ZNF385D: variants seen among roughly 807,000 people sequenced by gnomAD.
ZNF385D encodes the protein zinc finger protein 385D.
Under a neutral mutation model 35.8 loss-of-function variants are expected in ZNF385D, and 15 were observed. The ratio of observed to expected loss-of-function variants is 0.42; its 90% confidence interval spans 0.28 to 0.64. ZNF385D has a LOEUF of 0.64. Ranked by LOEUF, ZNF385D falls within the 30% of genes least tolerant of loss-of-function variation. The pLI, the probability that ZNF385D is intolerant of heterozygous loss-of-function variation, is 0.23. For synonymous variants in ZNF385D, 212 were observed against 186.8 expected, an observed-to-expected ratio of 1.13 and a Z score of -1.10; for missense variants, 474 against 494.6, an observed-to-expected ratio of 0.96 and a Z score of 0.39.
chr3:22,270,826 T>C (rs180907446), intron 2 of ZNF385D, among the ~76,000 whole-genome samples: 5 of 152,042 alleles, frequency 3.3e-5, no homozygotes, highest in Non-Finnish European at 7.4e-5. Flanking sequence ...AACTTACTTA[T>C]GTAATTTTCC....
At position 21,606,148 on chromosome 3, in the gene ZNF385D, C is replaced by T. The variant is rs956125776; in HGVS notation, c.166-41464G>A. On this transcript the variant is annotated intron_variant, in intron 2 of 7. Coordinates refer to ENST00000281523, the MANE Select transcript of ZNF385D (RefSeq NM_024697.3). Reference sequence around the variant, plus strand: ...TCAGAGAACATATTCTCCAAACACTCAAACCTTTCTGAGAGTAGCTGCTTC... The same window carrying T: ...TCAGAGAACATATTCTCCAAACACTTAAACCTTTCTGAGAGTAGCTGCTTC... Among the ~76,000 whole-genome samples, 6 of 152,270 alleles carry T rather than the reference C, an allele frequency of 3.9e-5. No homozygotes were observed. The South Asian group carries it at 1.0e-3, about 26-fold the overall frequency.
intron 3 of ZNF385D, among the ~76,000 whole-genome samples, chr3:21,805,074 T>C (rs1173050449): frequency 6.6e-6 from 1 of 152,190 alleles, no homozygotes; most frequent in Non-Finnish European, 1.5e-5. Context: ...GTTTCCGCTT[T>C]CAAACTATTA....
chr3:22,281,899 T>G (rs116008888), intron 2 of ZNF385D, among the ~76,000 whole-genome samples: 2,404 of 152,144 alleles, frequency 0.016, 34 homozygotes, highest in Non-Finnish European at 0.025. Flanking sequence ...GGTGGTAACT[T>G]TTTAATTACC....
At chr3:21,453,406 A>T (rs1442797922) in intron 4 of ZNF385D, among the ~76,000 whole-genome samples, 1 of 152,006 alleles carries the variant, frequency 6.6e-6, no homozygotes, top group Non-Finnish European at 1.5e-5. Context: ...TGTGTAAAAA[A>T]ACACTACCAA....
At chr3:21,729,132 C>T (rs2068888450) in intron 1 of ZNF385D, among the ~76,000 whole-genome samples, 1 of 152,054 alleles carries the variant, frequency 6.6e-6, no homozygotes, top group South Asian at 2.1e-4. Context: ...CTCTCTTTGG[C>T]AAAGATTAAG....
chr3:21,770,519 C>A (rs1360029135), intron 3 of ZNF385D, among the ~76,000 whole-genome samples: 2 of 152,108 alleles, frequency 1.3e-5, no homozygotes, highest in Non-Finnish European at 2.9e-5. Flanking sequence ...CAGATAAATG[C>A]AAATCAAAAC....
Position 22,138,476 on chromosome 3 carries a change from C to T in ZNF385D, c.325+30341G>A, listed in dbSNP as rs1409841991. On this transcript the variant is annotated intron_variant, in intron 3 of 5. Coordinates refer to the ZNF385D transcript ENST00000494108. Reference sequence around the variant, plus strand: ...ACTGGTACCAAAACAGAGATATAGACCAACGGAACAGAACAGAGCCCTCAG... The same window carrying T: ...ACTGGTACCAAAACAGAGATATAGATCAACGGAACAGAACAGAGCCCTCAG... Among the ~76,000 whole-genome samples, 814 of 151,266 alleles carry T rather than the reference C, an allele frequency of 5.4e-3. 4 individuals carry two copies. The highest frequency in any genetic ancestry group is 0.016 in the South Asian group (75 of 4,734).
intron 3 of ZNF385D, among the ~76,000 whole-genome samples, chr3:22,050,359 CA>C (rs967275934): frequency 6.6e-6 from 1 of 151,352 alleles, no homozygotes; most frequent in Non-Finnish European, 1.5e-5. Context: ...AAGACTCTGT[CA>C]AAAAAACAAA....
intron 3 of ZNF385D, among the ~76,000 whole-genome samples, chr3:21,811,447 G>T (rs969752343): frequency 5.9e-5 from 9 of 152,078 alleles, no homozygotes; most frequent in African/African-American, 2.2e-4. Flanking sequence ...CTTCCCAAGA[G>T]GGGACAATGT....
chr3:22,168,919 T>A, exon 3 of ZNF385D: 1 of 985,892 alleles, frequency 1.0e-6, no homozygotes, highest in South Asian at 4.7e-5. Flanking sequence ...TTCAGCTGAA[T>A]GTTACATACA....
chr3:21,638,425 G>C (rs1324530592), intron 2 of ZNF385D, among the ~76,000 whole-genome samples: 1 of 151,978 alleles, frequency 6.6e-6, no homozygotes, highest in African/African-American at 2.4e-5. Flanking sequence ...AAAAGATTTT[G>C]GTATTTCTAA....
At chr3:21,845,701 T>C (rs942342756) in intron 3 of ZNF385D, among the ~76,000 whole-genome samples, 1 of 151,960 alleles carries the variant, frequency 6.6e-6, no homozygotes, top group African/African-American at 2.4e-5. Context: ...TGCCATATTA[T>C]AACATCAGGA....
At chr3:22,345,919 T>A (rs67095441) in intron 2 of ZNF385D, among the ~76,000 whole-genome samples, 12,371 of 152,240 alleles carry the variant, frequency 0.081, 840 homozygotes, top group African/African-American at 0.19. Flanking sequence ...CCAGTTCTAG[T>A]GCTCCCATGG....
At chr3:22,169,067 G>A (rs963680342) in intron 2 of ZNF385D, 2 of 956,654 alleles carry the variant, frequency 2.1e-6, no homozygotes, top group Non-Finnish European at 2.5e-6. Context: ...TGAACAAGCA[G>A]ATCAAGATTT....
rs2125227802 is a variant in ZNF385D, at chr3:21,414,977, C to T, written c.*6237G>A. On this transcript the variant is annotated 3_prime_UTR_variant, in exon 8 of 8. Coordinates refer to ENST00000281523, the MANE Select transcript of ZNF385D (RefSeq NM_024697.3). ...GGTCTTTATCCAATATTAGTTGCCC[C>T]TAGCCCTAGGGTCCTATACTGAAAT... is the stretch of plus-strand genomic sequence containing the variant. 1 of 152,148 alleles carries T rather than the reference C, an allele frequency of 6.6e-6. No homozygotes were observed. Among genetic ancestry groups the T allele is most frequent in the South Asian group, 2.1e-4 (1 of 4,824 alleles). 9.4% of individuals were successfully genotyped at this position (152,148 alleles called of 1,614,324 possible).
At chr3:22,102,998 G>A (rs535682787) in intron 3 of ZNF385D, among the ~76,000 whole-genome samples, 1 of 149,500 alleles carries the variant, frequency 6.7e-6, no homozygotes, top group Admixed American at 6.7e-5. Context: ...ATTATATACT[G>A]TATATATATA....
intron 2 of ZNF385D, among the ~76,000 whole-genome samples, chr3:21,621,415 C>T (rs989022856): frequency 6.6e-6 from 1 of 152,012 alleles, no homozygotes; most frequent in Non-Finnish European, 1.5e-5. Context: ...ACCTTAGTAG[C>T]AGCTATGGTA....
Position 21,711,039 on chromosome 3 carries a change from G to GTTTTTTTTTTTTTTTTTTTTTTTT in ZNF385D, c.22+39855_22+39856insAAAAAAAAAAAAAAAAAAAAAAAA, listed in dbSNP as rs869252663. Among the ~76,000 whole-genome samples the GTTTTTTTTTTTTTTTTTTTTTTTT allele has an allele frequency of 1.1e-4, 9 of 83,140 alleles. 3 individuals are homozygous for GTTTTTTTTTTTTTTTTTTTTTTTT. The highest frequency in any genetic ancestry group is 3.6e-4 in the African/African-American group (7 of 19,488). 54.5% of individuals were successfully genotyped at this position (83,140 alleles called of 152,430 possible). A position where few individuals can be genotyped will look rare whatever the true frequency, so the allele number is the denominator to read the frequency against. On this transcript the variant is annotated intron_variant, in intron 1 of 7. Transcript: ENST00000281523. The stretch of plus-strand genomic sequence containing the variant: ...TCTTAATTTCCTTATCCCTCTAAAA[G>GTTTTTTTTTTTTTTTTTTTTTTTT]TTTTTTTTTTTTTTTTTTTTGAGAT...
At chr3:21,912,892 C>T (rs1161367790) in intron 3 of ZNF385D, among the ~76,000 whole-genome samples, 1 of 152,026 alleles carries the variant, frequency 6.6e-6, no homozygotes, top group Non-Finnish European at 1.5e-5. Context: ...ACAGAACATT[C>T]TTAAACTATC....
Sources: allele counts gnomAD v4.1 joint callset (sites outside exome capture counted in the v4.1 genomes callset), GRCh38; gene constraint gnomAD v4.1.1; transcripts MANE v1.5; gene names NCBI Gene and HGNC (gene_info 2026-07-23, HGNC 2026-07-21).